Variants in TAS2R1 observed in about 807,000 individuals in gnomAD.
TAS2R1 encodes taste receptor type 2 member 1.
For missense variants in TAS2R1, 370 were observed against 353.4 expected, an observed-to-expected ratio of 1.05 and a Z score of -0.38; for synonymous variants, 141 against 134.2, an observed-to-expected ratio of 1.05 and a Z score of -0.35.
chr5:9,823,196 T>C, the TAS2R1 span, among the ~76,000 whole-genome samples: 1 of 152,202 alleles, frequency 6.6e-6, no homozygotes, highest in African/African-American at 2.4e-5. Context: ...CTTCCCCTTT[T>C]GATAAGAGTG....
chr5:9,800,635 T>C, the TAS2R1 span, among the ~76,000 whole-genome samples: 1 of 152,186 alleles, frequency 6.6e-6, no homozygotes, highest in Non-Finnish European at 1.5e-5. Flanking sequence ...GGGCCAGCTC[T>C]GCAGCACCTT....
intron 1 of TAS2R1, among the ~76,000 whole-genome samples, chr5:9,681,914 T>C (rs1035970648): frequency 1.3e-5 from 2 of 152,210 alleles, no homozygotes; most frequent in Non-Finnish European, 2.9e-5. Flanking sequence ...TTAAAATGCT[T>C]TGAGTATCTA....
chr5:9,778,011 G>A, the TAS2R1 span, among the ~76,000 whole-genome samples: 1 of 152,054 alleles, frequency 6.6e-6, no homozygotes, highest in African/African-American at 2.4e-5. Flanking sequence ...CTCCTGAGTA[G>A]CTGGGACTAC....
chr5:9,707,051 T>C (rs1398200368), intron 1 of TAS2R1, among the ~76,000 whole-genome samples: 1 of 152,014 alleles, frequency 6.6e-6, no homozygotes, highest in Non-Finnish European at 1.5e-5. Flanking sequence ...TGAGATGCAG[T>C]GAAGGACAGA....
the TAS2R1 span, among the ~76,000 whole-genome samples, chr5:9,722,395 C>T: frequency 6.6e-6 from 1 of 152,228 alleles, no homozygotes; most frequent in East Asian, 1.9e-4. Flanking sequence ...GATAAATCTA[C>T]ATTGTACTAA....
At chr5:9,778,162 G>A in the TAS2R1 span, among the ~76,000 whole-genome samples, 1 of 151,730 alleles carries the variant, frequency 6.6e-6, no homozygotes, top group African/African-American at 2.4e-5. Flanking sequence ...TTACAGGCGT[G>A]AGCCACCACG....
the TAS2R1 span, among the ~76,000 whole-genome samples, chr5:9,877,836 C>G: frequency 2.0e-5 from 3 of 152,006 alleles, no homozygotes; most frequent in Non-Finnish European, 2.9e-5. Flanking sequence ...TCTTCCTCTT[C>G]TTTTTTTTGA....
chr5:9,726,719 CAGTG>C, the TAS2R1 span, among the ~76,000 whole-genome samples: 5 of 152,222 alleles, frequency 3.3e-5, no homozygotes, highest in African/African-American at 1.2e-4. Flanking sequence ...TTCTTGAAGT[CAGTG>C]AGACCAAGAA....
chr5:9,786,556 T>C, the TAS2R1 span, among the ~76,000 whole-genome samples: 381 of 152,274 alleles, frequency 2.5e-3, 2 homozygotes, highest in African/African-American at 8.8e-3. Flanking sequence ...TCTAAACACC[T>C]AGGAACTAAA....
the TAS2R1 span, among the ~76,000 whole-genome samples, chr5:9,866,524 T>C: frequency 5.1e-4 from 78 of 152,376 alleles, no homozygotes; most frequent in African/African-American, 1.7e-3. Context: ...TAATTTTTCC[T>C]CTGGCAAATC....
the TAS2R1 span, among the ~76,000 whole-genome samples, chr5:9,759,324 C>T: frequency 5.3e-5 from 8 of 152,158 alleles, no homozygotes; most frequent in African/African-American, 1.9e-4. Flanking sequence ...TCCAGCATCT[C>T]ATTCATAAAA....
chr5:9,886,258 C>T, the TAS2R1 span, among the ~76,000 whole-genome samples: 1 of 151,012 alleles, frequency 6.6e-6, no homozygotes, highest in Admixed American at 6.6e-5. Flanking sequence ...TCTGGAACTT[C>T]TGAGCTCAGG....
At chr5:9,677,114 A>G (rs934053290) in intron 1 of TAS2R1, among the ~76,000 whole-genome samples, 1 of 152,218 alleles carries the variant, frequency 6.6e-6, no homozygotes, top group Non-Finnish European at 1.5e-5. Flanking sequence ...GGGAACACGG[A>G]TGGAGCTGGA....
At chr5:9,863,434 T>C in the TAS2R1 span, among the ~76,000 whole-genome samples, 2 of 151,988 alleles carry the variant, frequency 1.3e-5, no homozygotes, top group Non-Finnish European at 2.9e-5. Context: ...ACACGTCTAA[T>C]TTTTTGTATT....
intron 1 of TAS2R1, among the ~76,000 whole-genome samples, chr5:9,710,281 G>A (rs1030085187): frequency 5.3e-5 from 8 of 151,640 alleles, no homozygotes; most frequent in Non-Finnish European, 1.2e-4. Flanking sequence ...CCAACTTATC[G>A]AGTGCCCTCC....
chr5:9,693,078 G>A (rs1741281284), intron 1 of TAS2R1, among the ~76,000 whole-genome samples: 2 of 152,126 alleles, frequency 1.3e-5, no homozygotes, highest in African/African-American at 4.8e-5. Flanking sequence ...ACCTCTCTGG[G>A]CATGAGCAAA....
chr5:9,809,733 C>G, the TAS2R1 span, among the ~76,000 whole-genome samples: 1 of 152,208 alleles, frequency 6.6e-6, no homozygotes, highest in African/African-American at 2.4e-5. Flanking sequence ...AACCACATCA[C>G]CACCTTGATT....
the TAS2R1 span, among the ~76,000 whole-genome samples, chr5:9,863,460 G>A: frequency 6.6e-6 from 1 of 151,984 alleles, no homozygotes. Context: ...TAGAGATGGG[G>A]TTTCACTGTG....
the TAS2R1 span, among the ~76,000 whole-genome samples, chr5:9,799,578 C>T: frequency 6.6e-6 from 1 of 152,192 alleles, no homozygotes; most frequent in Non-Finnish European, 1.5e-5. Flanking sequence ...TCAGCTGTGT[C>T]TTTTCCCACC....
Sources: gnomAD v4.1 joint callset for allele counts (sites outside exome capture counted in the v4.1 genomes callset) on GRCh38, gnomAD v4.1.1 for gene constraint, MANE v1.5 for transcripts, NCBI Gene and HGNC (gene_info 2026-07-23, HGNC 2026-07-21) for gene names.